SRGAP2: variants seen among roughly 807,000 people sequenced by gnomAD.
The protein encoded by SRGAP2 is SLIT-ROBO Rho GTPase activating protein 2, also known as SLIT-ROBO Rho GTPase-activating protein 2.
In SRGAP2, 15 loss-of-function variants were observed where a neutral mutation model predicts 57.2. The observed-to-expected ratio is 0.26, with a 90% CI of 0.18 to 0.40. The LOEUF (loss-of-function observed/expected upper bound fraction) is 0.40, where lower values mean the gene tolerates loss of function less well. Ranked by LOEUF, SRGAP2 falls within the 10% of genes least tolerant of loss-of-function variation. The pLI is 1.00. For synonymous variants in SRGAP2, 249 were observed against 248.0 expected (o/e 1.00, Z -0.04); for missense variants, 520 against 669.6 (o/e 0.78, Z 2.47).
intron 21 of SRGAP2, among the ~76,000 whole-genome samples, chr1:206,457,777 T>G (rs1663956955): frequency 1.3e-5 from 2 of 152,158 alleles, no homozygotes; most frequent in African/African-American, 4.8e-5. Flanking sequence ...CCACCTCAAC[T>G]CCTGCCTCAG....
At chr1:206,333,210 A>G (rs1267987634) in intron 3 of SRGAP2, 1 of 573,512 alleles carries the variant, frequency 1.7e-6, no homozygotes, top group Non-Finnish European at 3.2e-6. Context: ...TGCTCTCTTC[A>G]AAGCTCAGAT....
chr1:206,259,272 ACT>A (rs1453342451), intron 2 of SRGAP2, among the ~76,000 whole-genome samples: 1 of 148,104 alleles, frequency 6.8e-6, no homozygotes, highest in Non-Finnish European at 1.5e-5. Context: ...TTCTTCCCAG[ACT>A]CTCTGCTAAG....
At chr1:206,378,659 C>A (rs1419988033) in intron 4 of SRGAP2, among the ~76,000 whole-genome samples, 5 of 152,056 alleles carry the variant, frequency 3.3e-5, no homozygotes, top group Non-Finnish European at 7.4e-5. Flanking sequence ...TAAAAACGCA[C>A]CAATCAGCGC....
chr1:206,358,457 C>A (rs1464578823), intron 4 of SRGAP2, among the ~76,000 whole-genome samples: 1 of 150,740 alleles, frequency 6.6e-6, no homozygotes, highest in Non-Finnish European at 1.5e-5. Context: ...ACTGGGAGAT[C>A]CAGTCTCCAA....
chr1:206,285,882 T>C (rs1441110503), intron 2 of SRGAP2, among the ~76,000 whole-genome samples: 1 of 152,100 alleles, frequency 6.6e-6, no homozygotes, highest in Admixed American at 6.6e-5. Context: ...GCCAGGCTGG[T>C]CTTGAACTCC....
chr1:206,440,166 A>C, intron 17 of SRGAP2, 85 bp downstream of exon 17: 1 of 716,810 alleles, frequency 1.4e-6, no homozygotes. Context: ...CTATTCATCC[A>C]TCCCAACAAA....
chr1:206,290,785 A>G (rs1270638831), intron 2 of SRGAP2, among the ~76,000 whole-genome samples: 1 of 151,966 alleles, frequency 6.6e-6, no homozygotes, highest in African/African-American at 2.4e-5. Context: ...AATTTTACAG[A>G]ATAGGGACAT....
intron 2 of SRGAP2, 95 bp from the exon 3 acceptor site, chr1:206,303,186 G>A (rs1671975593): frequency 8.2e-6 from 5 of 608,020 alleles, no homozygotes; most frequent in Admixed American, 3.6e-5. Context: ...CCCAGGGCAC[G>A]GGGAATAAGT....
chr1:206,449,698 CTT>C (rs1426152956), intron 18 of SRGAP2, among the ~76,000 whole-genome samples: 1 of 152,110 alleles, frequency 6.6e-6, no homozygotes, highest in Non-Finnish European at 1.5e-5. Flanking sequence ...TCCTCCCCTA[CTT>C]TTGTTTCCCA....
intron 16 of SRGAP2, among the ~76,000 whole-genome samples, chr1:206,439,251 G>A (rs1662052977): frequency 6.6e-6 from 1 of 152,164 alleles, no homozygotes; most frequent in Admixed American, 6.5e-5. Context: ...GGCTGCCTAT[G>A]ATGGAGGACC....
In SRGAP2 at chr1:206,454,406, G is replaced by C; in HGVS notation, c.2361-472G>C. On this transcript the variant is annotated intron_variant, in intron 20 of 22. Coordinates refer to ENST00000573034, the MANE Select transcript of SRGAP2 (RefSeq NM_015326.5). The surrounding 1 kb of genome is among the most constrained non-coding windows in gnomAD (Gnocchi z 4.3). ...GACCGGCTTGGATGCTCTGAGCGGG[G>C]CTAGAGGCGCTACGACAGTGTGTGG... 1.7e-6 allele frequency: 1 copy of C among 576,568 alleles called. No homozygotes were observed. The highest frequency in any genetic ancestry group is 3.0e-5 in the Admixed American group (1 of 33,128). 35.7% of individuals were successfully genotyped at this position (576,568 alleles called of 1,614,324 possible). A position where few individuals can be genotyped will look rare whatever the true frequency, so the allele number is the denominator to read the frequency against.
At chr1:206,320,900 A>G (rs1673413687) in intron 3 of SRGAP2, among the ~76,000 whole-genome samples, 1 of 151,378 alleles carries the variant, frequency 6.6e-6, no homozygotes, top group African/African-American at 2.4e-5. Flanking sequence ...CCTTTTATCC[A>G]TACATACTTT....
chr1:206,217,329 CA>C (rs1666710787), intron 2 of SRGAP2, among the ~76,000 whole-genome samples: 1 of 150,844 alleles, frequency 6.6e-6, no homozygotes, highest in Non-Finnish European at 1.5e-5. Flanking sequence ...TGGGCCAATA[CA>C]GTACTTTGTT....
rs1480882343 is a variant in SRGAP2, at chr1:206,363,501, C to G, written c.423+20493C>G. On this transcript the variant is annotated intron_variant, in intron 4 of 22. Transcript: ENST00000573034. ...TAACACGGAGGTAATACTATAATCT[C>G]TCAATCTTACTGAAATTTCACTTGT... is the stretch of plus-strand genomic sequence containing the variant. Among the ~76,000 whole-genome samples the G allele has an allele frequency of 2.0e-5, 3 of 152,174 alleles. No individual in the cohort carries two copies. The East Asian group carries it at 5.8e-4, about 29-fold the overall frequency.
At chr1:206,417,049 T>C (rs1195363179) in intron 11 of SRGAP2, among the ~76,000 whole-genome samples, 1 of 152,132 alleles carries the variant, frequency 6.6e-6, no homozygotes, top group African/African-American at 2.4e-5. Flanking sequence ...TTTCCTGCCT[T>C]GGATGATTTC....
At chr1:206,263,089 G>A (rs1669666933) in intron 2 of SRGAP2, among the ~76,000 whole-genome samples, 1 of 150,294 alleles carries the variant, frequency 6.7e-6, no homozygotes, top group Admixed American at 6.6e-5. Flanking sequence ...TCCTATAAAG[G>A]TTCTCCTGAT....
intron 2 of SRGAP2, among the ~76,000 whole-genome samples, chr1:206,249,191 GGC>G (rs1668686099): frequency 1.3e-5 from 2 of 149,862 alleles, no homozygotes; most frequent in Non-Finnish European, 3.0e-5. Context: ...GTGTCTGCAT[GGC>G]TCGCTCTCTC....
intron 2 of SRGAP2, among the ~76,000 whole-genome samples, chr1:206,290,641 C>CAAAAAAAA (rs1237811129): frequency 2.2e-5 from 1 of 45,176 alleles, no homozygotes; most frequent in East Asian, 7.2e-4. Context: ...GACTCCATCT[C>CAAAAAAAA]AAAAAAAAAA....
chr1:206,459,747 C>T (rs1462364804), intron 22 of SRGAP2, among the ~76,000 whole-genome samples: 1 of 152,174 alleles, frequency 6.6e-6, no homozygotes, highest in Admixed American at 6.5e-5. Context: ...ACCCCATCTT[C>T]CAGGGGGTGA....
Sources: allele counts gnomAD v4.1 joint callset (sites outside exome capture counted in the v4.1 genomes callset), GRCh38; gene constraint gnomAD v4.1.1; non-coding constraint Gnocchi (gnomAD v3.1); transcripts MANE v1.5; gene names NCBI Gene and HGNC (gene_info 2026-07-23, HGNC 2026-07-21).